The following ATAD2B variants were observed in gnomAD, a reference collection of about 807,000 sequenced individuals.
The protein encoded by ATAD2B is ATPase family AAA domain containing 2B.
Under a neutral mutation model 167.6 loss-of-function variants are expected in ATAD2B, and 40 were observed. That is an observed-to-expected ratio of 0.24 (90% CI 0.19 to 0.31). ATAD2B has a LOEUF of 0.31. Ranked by LOEUF, ATAD2B falls within the 10% of genes least tolerant of loss-of-function variation. The probability of loss-of-function intolerance (pLI) is 1.00; values close to 1 mark genes in which losing one functional copy is unlikely to be tolerated. For synonymous variants in ATAD2B, 579 were observed against 596.5 expected (o/e 0.97, Z 0.43); for missense variants, 1,242 against 1,757.2 (o/e 0.71, Z 5.24).
intron 8 of ATAD2B, chr2:23,872,706 CTGCTTTACTG>C: frequency 8.1e-7 from 1 of 1,227,870 alleles, no homozygotes; most frequent in Non-Finnish European, 1.2e-6. Context: ...GCAGCAGTTT[CTGCTTTACTG>C]AGATCAGTCA....
chr2:23,862,401 GTTTTT>G (rs750865073), intron 12 of ATAD2B, among the ~76,000 whole-genome samples: 177 of 99,412 alleles, frequency 1.8e-3, no homozygotes, highest in Non-Finnish European at 2.9e-3. Context: ...ATTTGGACTG[GTTTTT>G]TTTTTTTTTT....
intron 6 of ATAD2B, among the ~76,000 whole-genome samples, chr2:23,882,705 G>A (rs887960069): frequency 2.0e-5 from 3 of 151,762 alleles, no homozygotes; most frequent in Admixed American, 1.3e-4. Context: ...AGCTACTCGG[G>A]AGGCTGAGGC....
At chr2:23,851,223 C>A (rs1273711801) in intron 13 of ATAD2B, among the ~76,000 whole-genome samples, 1 of 152,206 alleles carries the variant, frequency 6.6e-6, no homozygotes, top group African/African-American at 2.4e-5. Context: ...TGGCTCACTG[C>A]AGCCTTGACC....
intron 6 of ATAD2B, among the ~76,000 whole-genome samples, chr2:23,882,999 C>T (rs907283964): frequency 2.6e-5 from 4 of 151,970 alleles, no homozygotes; most frequent in African/African-American, 4.8e-5. Context: ...AAGGGCTGGA[C>T]ATGGTGGCTT....
chr2:23,857,559 A>T, intron 12 of ATAD2B, 56 bp from the exon 13 acceptor site: 1 of 893,486 alleles, frequency 1.1e-6, no homozygotes. Context: ...TTTAAAATTT[A>T]TTATATTTTC....
chr2:23,743,488 G>A, the ATAD2B span, among the ~76,000 whole-genome samples: 1 of 151,526 alleles, frequency 6.6e-6, no homozygotes, highest in Non-Finnish European at 1.5e-5. Flanking sequence ...GCTCGAACCC[G>A]GGAGGTGGAG....
the ATAD2B span, among the ~76,000 whole-genome samples, chr2:23,705,775 C>T: frequency 5.3e-5 from 8 of 152,228 alleles, no homozygotes; most frequent in East Asian, 1.5e-3. Context: ...GAAAGAGTGT[C>T]AGGGCTAGAA....
Position 23,797,542 on chromosome 2 carries a change from A to C in ATAD2B, c.2640+596T>G, listed in dbSNP as rs954573576. ...ATATAACTGATAGTGATATAGCCAC[A>C]ATTTTCTTAGAAAGCTGAGTATCCC... On this transcript the variant is annotated intron_variant, in intron 19 of 27. Coordinates refer to ENST00000238789, the MANE Select transcript of ATAD2B (RefSeq NM_017552.4). Among the ~76,000 whole-genome samples, 4 of 152,150 alleles carry C rather than the reference A, an allele frequency of 2.6e-5. No individual in the cohort carries two copies. In the South Asian group the frequency reaches 8.3e-4, roughly 31 times the overall value.
chr2:23,840,926 A>G (rs1690791965), intron 13 of ATAD2B, among the ~76,000 whole-genome samples: 1 of 152,094 alleles, frequency 6.6e-6, no homozygotes, highest in African/African-American at 2.4e-5. Context: ...GTTACTTTTA[A>G]GACAGGGTCT....
chr2:23,807,755 G>A (rs543698355), intron 18 of ATAD2B, among the ~76,000 whole-genome samples: 2 of 148,728 alleles, frequency 1.3e-5, no homozygotes, highest in South Asian at 4.2e-4. Context: ...GGCGGAGGTT[G>A]CAGTGAGCTG....
chr2:23,783,606 C>T (rs571017078), intron 21 of ATAD2B, among the ~76,000 whole-genome samples: 1 of 152,064 alleles, frequency 6.6e-6, no homozygotes, highest in African/African-American at 2.4e-5. Context: ...CTGGATTTGT[C>T]CCTAAGTATA....
chr2:23,904,352 G>C (rs1701211245), intron 1 of ATAD2B, among the ~76,000 whole-genome samples: 1 of 152,156 alleles, frequency 6.6e-6, no homozygotes, highest in African/African-American at 2.4e-5. Context: ...CTGAGGATTT[G>C]TAAGTAAGAG....
At chr2:23,852,685 G>A (rs973767806) in intron 13 of ATAD2B, among the ~76,000 whole-genome samples, 6 of 152,066 alleles carry the variant, frequency 3.9e-5, no homozygotes, top group Non-Finnish European at 5.9e-5. Flanking sequence ...TCGGGAGGCC[G>A]AGGCAGGTGG....
chr2:23,800,713 T>C (rs1317143675), intron 18 of ATAD2B, among the ~76,000 whole-genome samples: 1 of 152,026 alleles, frequency 6.6e-6, no homozygotes, highest in African/African-American at 2.4e-5. Flanking sequence ...TTTCATCTCA[T>C]CTTCTCAAAA....
chr2:23,688,964 G>A, the ATAD2B span: 1 of 152,198 alleles, frequency 6.6e-6, no homozygotes, highest in Non-Finnish European at 1.5e-5. Context: ...AGAGGCCTAA[G>A]GAGCACTGGG....
At chr2:23,926,145 G>A (rs545835215) in intron 1 of ATAD2B, among the ~76,000 whole-genome samples, 1 of 152,308 alleles carries the variant, frequency 6.6e-6, no homozygotes, top group East Asian at 1.9e-4. Context: ...GGCAGGAACT[G>A]ACACACTTTC....
intron 13 of ATAD2B, among the ~76,000 whole-genome samples, chr2:23,847,356 T>G (rs1007073248): frequency 2.0e-5 from 3 of 151,838 alleles, no homozygotes; most frequent in Non-Finnish European, 4.4e-5. Flanking sequence ...ATGAAAAAAT[T>G]AGCCAGGCGT....
intron 21 of ATAD2B, among the ~76,000 whole-genome samples, chr2:23,784,572 AAG>A (rs1392869059): frequency 2.0e-5 from 3 of 152,156 alleles, no homozygotes; most frequent in Non-Finnish European, 2.9e-5. Flanking sequence ...TTAGAAAGAA[AAG>A]AGTTTTCCTG....
intron 22 of ATAD2B, among the ~76,000 whole-genome samples, chr2:23,770,595 A>C (rs540505852): frequency 6.6e-6 from 1 of 152,180 alleles, no homozygotes; most frequent in Admixed American, 6.5e-5. Context: ...GTCTATTGAA[A>C]TTTAATCTAC....
Sources: gnomAD v4.1 joint callset for allele counts (sites outside exome capture counted in the v4.1 genomes callset) on GRCh38, gnomAD v4.1.1 for gene constraint, MANE v1.5 for transcripts, NCBI Gene and HGNC (gene_info 2026-07-23, HGNC 2026-07-21) for gene names.